Variants in PLXDC2 observed in about 807,000 individuals in gnomAD.
The protein encoded by PLXDC2 is plexin domain containing 2.
PLXDC2 carries 40 observed loss-of-function variants against 68.9 expected under a neutral mutation model. The observed-to-expected ratio is 0.58, with a 90% CI of 0.45 to 0.76. The LOEUF (loss-of-function observed/expected upper bound fraction) is 0.76. Among genes scored for constraint, PLXDC2 ranks in the 30% least tolerant of loss-of-function variants. PLXDC2 has a pLI of 0.00. For missense variants in PLXDC2, 644 were observed against 661.9 expected, an observed-to-expected ratio of 0.97 and a Z score of 0.30; for synonymous variants, 243 against 234.2, an observed-to-expected ratio of 1.04 and a Z score of -0.34.
At position 19,895,113 on chromosome 10, in the gene PLXDC2, T is replaced by C. The variant is rs1429687649; in HGVS notation, c.112+77922T>C. Among the ~76,000 whole-genome samples, 9 of 152,326 alleles carry C rather than the reference T, an allele frequency of 5.9e-5. No individual in the cohort carries two copies. In the East Asian group the frequency reaches 1.7e-3, roughly 29 times the overall value. On this transcript the variant is annotated intron_variant, in intron 1 of 13. Transcript: ENST00000377252. The stretch of plus-strand genomic sequence containing the variant: ...TATGCAGCCATAAAAAAGGATGAGT[T>C]CATGTCCTTTGCAGGGACATGGATG...
At chr10:20,235,135 C>G (rs1175371889) in intron 12 of PLXDC2, among the ~76,000 whole-genome samples, 1 of 152,142 alleles carries the variant, frequency 6.6e-6, no homozygotes, top group Non-Finnish European at 1.5e-5. Context: ...ACATGGTTCC[C>G]TTCAGGTGGT....
At chr10:20,226,254 C>A (rs1835285928) in intron 12 of PLXDC2, among the ~76,000 whole-genome samples, 1 of 152,190 alleles carries the variant, frequency 6.6e-6, no homozygotes, top group African/African-American at 2.4e-5. Context: ...TACCTCCTAA[C>A]TCATGTTAAT....
At chr10:19,871,468 C>T (rs1837532747) in intron 1 of PLXDC2, among the ~76,000 whole-genome samples, 1 of 152,110 alleles carries the variant, frequency 6.6e-6, no homozygotes, top group Non-Finnish European at 1.5e-5. Flanking sequence ...AGCTAAAAGT[C>T]CTTTCCAAAT....
intron 6 of PLXDC2, among the ~76,000 whole-genome samples, chr10:20,162,302 T>C (rs554701631): frequency 6.6e-6 from 1 of 152,286 alleles, no homozygotes; most frequent in African/African-American, 2.4e-5. Context: ...GTACTATACA[T>C]AATGACATAA....
At chr10:20,250,453 T>C (rs1325055469) in intron 13 of PLXDC2, among the ~76,000 whole-genome samples, 1 of 152,180 alleles carries the variant, frequency 6.6e-6, no homozygotes, top group African/African-American at 2.4e-5. Context: ...AATAAAGTGA[T>C]TGACACTTAT....
At chr10:20,090,334 C>G (rs1196437446) in intron 4 of PLXDC2, among the ~76,000 whole-genome samples, 1 of 152,158 alleles carries the variant, frequency 6.6e-6, no homozygotes, top group East Asian at 1.9e-4. Flanking sequence ...TTATGTTCAC[C>G]AGCAACATCT....
At chr10:20,206,834 G>A (rs974026502) in intron 9 of PLXDC2, among the ~76,000 whole-genome samples, 1 of 149,318 alleles carries the variant, frequency 6.7e-6, no homozygotes, top group Non-Finnish European at 1.5e-5. Context: ...TATGGTTAAT[G>A]TCATTGTGCT....
At chr10:20,254,904 G>C (rs1039441899) in intron 13 of PLXDC2, among the ~76,000 whole-genome samples, 2 of 152,112 alleles carry the variant, frequency 1.3e-5, no homozygotes, top group African/African-American at 4.8e-5. Context: ...CAATTGCCTT[G>C]TATATGTAAT....
At position 20,157,618 on chromosome 10, in the gene PLXDC2, G is replaced by A. The variant is rs572068301; in HGVS notation, c.784-6850G>A. On this transcript the variant is annotated intron_variant, in intron 6 of 13. Coordinates refer to ENST00000377252, the MANE Select transcript of PLXDC2 (RefSeq NM_032812.9). Reference sequence around the variant, plus strand: ...AAGATACCACAGAGTGGAGAAGAGAGGAGCTTCTGTCTTTGACTCTCCTTC... The same window carrying A: ...AAGATACCACAGAGTGGAGAAGAGAAGAGCTTCTGTCTTTGACTCTCCTTC... Among the ~76,000 whole-genome samples, 128 of 152,286 alleles carry A rather than the reference G, an allele frequency of 8.4e-4. 1 individual carries two copies. The highest frequency in any genetic ancestry group is 2.2e-3 in the African/African-American group (91 of 41,552).
At chr10:20,272,736 G>A (rs1280075855) in intron 13 of PLXDC2, among the ~76,000 whole-genome samples, 1 of 152,216 alleles carries the variant, frequency 6.6e-6, no homozygotes, top group Non-Finnish European at 1.5e-5. Flanking sequence ...CTCTGTTAGT[G>A]ATAAAATATT....
At chr10:20,020,043 T>C (rs1334118636) in intron 2 of PLXDC2, among the ~76,000 whole-genome samples, 1 of 142,776 alleles carries the variant, frequency 7.0e-6, no homozygotes, top group Non-Finnish European at 1.5e-5. Context: ...GTTTTTTCTT[T>C]TGAGGCAGGG....
chr10:20,215,262 A>G (rs1835121019), intron 10 of PLXDC2, among the ~76,000 whole-genome samples: 2 of 149,678 alleles, frequency 1.3e-5, no homozygotes, highest in South Asian at 4.3e-4. Context: ...ACACCATGGA[A>G]GATGTTGGAT....
intron 12 of PLXDC2, among the ~76,000 whole-genome samples, chr10:20,227,026 C>G (rs553960531): frequency 6.0e-4 from 92 of 152,072 alleles, no homozygotes; most frequent in African/African-American, 2.2e-3. Context: ...AGTGATTATT[C>G]TTTTTTAAAC....
At chr10:20,147,755 C>A in intron 5 of PLXDC2, 29 bp from the exon 6 acceptor site, 1 of 1,364,198 alleles carries the variant, frequency 7.3e-7, no homozygotes, top group African/African-American at 1.4e-5. Flanking sequence ...TTTCTCATTG[C>A]ATTTCTTCTT....
At chr10:19,837,409 AGTGTGTGT>A (rs3043789) in intron 1 of PLXDC2, among the ~76,000 whole-genome samples, 4,067 of 82,422 alleles carry the variant, frequency 0.049, 70 homozygotes, top group Middle Eastern at 0.1. Context: ...AGAGAGAGAG[AGTGTGTGT>A]GTGTGTGTGT....
intron 1 of PLXDC2, among the ~76,000 whole-genome samples, chr10:19,932,472 A>T (rs1265578056): frequency 1.3e-5 from 2 of 152,208 alleles, no homozygotes; most frequent in Non-Finnish European, 2.9e-5. Context: ...ATGCACTTTC[A>T]TAGACCTGCC....
intron 1 of PLXDC2, among the ~76,000 whole-genome samples, chr10:19,964,611 T>C (rs1202289566): frequency 6.6e-6 from 1 of 152,228 alleles, no homozygotes; most frequent in Non-Finnish European, 1.5e-5. Context: ...GCTTATGCAG[T>C]TTCTCTGGCA....
chr10:20,243,930 G>A (rs908581819), intron 12 of PLXDC2, among the ~76,000 whole-genome samples: 1 of 152,032 alleles, frequency 6.6e-6, no homozygotes, highest in African/African-American at 2.4e-5. Flanking sequence ...GTAGTGGCAA[G>A]CGCCTGTAAT....
chr10:19,912,661 G>C (rs890447203), intron 1 of PLXDC2, among the ~76,000 whole-genome samples: 14 of 151,446 alleles, frequency 9.2e-5, no homozygotes, highest in African/African-American at 3.2e-4. Context: ...CTTTAAAAAC[G>C]GTAATAATTA....
Sources: allele counts gnomAD v4.1 joint callset (sites outside exome capture counted in the v4.1 genomes callset), GRCh38; gene constraint gnomAD v4.1.1; transcripts MANE v1.5; gene names NCBI Gene and HGNC (gene_info 2026-07-23, HGNC 2026-07-21).